Variants in ESRRB observed in about 807,000 individuals in gnomAD.
ESRRB encodes the protein steroid hormone receptor ERR2.
ESRRB carries 16 observed loss-of-function variants against 46.0 expected under a neutral mutation model. That is an observed-to-expected ratio of 0.35 (90% CI 0.24 to 0.53). The LOEUF is 0.53. Ranked by LOEUF, ESRRB falls within the 20% of genes least tolerant of loss-of-function variation. The pLI is 0.93. For missense variants in ESRRB, 488 were observed against 607.4 expected, an observed-to-expected ratio of 0.80 and a Z score of 2.07; for synonymous variants, 246 against 259.6, an observed-to-expected ratio of 0.95 and a Z score of 0.50.
intron 1 of ESRRB, among the ~76,000 whole-genome samples, chr14:76,438,854 G>A (rs1416191051): frequency 6.6e-6 from 1 of 152,186 alleles, no homozygotes; most frequent in South Asian, 2.1e-4. Flanking sequence ...ATGCTGGAAC[G>A]TAGGGGTGCG....
At chr14:76,480,699 G>A (rs1350564417) in intron 3 of ESRRB, among the ~76,000 whole-genome samples, 1 of 152,184 alleles carries the variant, frequency 6.6e-6, no homozygotes, top group Admixed American at 6.5e-5. Flanking sequence ...GATGGACAAG[G>A]CTGGGACAGG....
At chr14:76,339,151 T>C (rs2073475566) in intron 1 of ESRRB, among the ~76,000 whole-genome samples, 1 of 152,200 alleles carries the variant, frequency 6.6e-6, no homozygotes, top group South Asian at 2.1e-4. Context: ...AAATAATGTG[T>C]ATATCATATC....
At chr14:76,472,775 C>T (rs1387613209) in intron 3 of ESRRB, among the ~76,000 whole-genome samples, 1 of 152,240 alleles carries the variant, frequency 6.6e-6, no homozygotes, top group Non-Finnish European at 1.5e-5. Flanking sequence ...GTTTTCTCCT[C>T]CTCCTGGAGA....
chr14:76,359,659 C>T (rs1884440126), intron 1 of ESRRB, among the ~76,000 whole-genome samples: 1 of 152,144 alleles, frequency 6.6e-6, no homozygotes, highest in Non-Finnish European at 1.5e-5. Flanking sequence ...CTCTTGGAAC[C>T]ACCTGAGGAA....
At chr14:76,330,173 C>T (rs1883995845) in intron 1 of ESRRB, among the ~76,000 whole-genome samples, 1 of 152,072 alleles carries the variant, frequency 6.6e-6, no homozygotes, top group African/African-American at 2.4e-5. Context: ...CTGAGGGAGG[C>T]TCTGGGATCT....
chr14:76,390,154 C>G (rs1031078164), intron 1 of ESRRB, among the ~76,000 whole-genome samples: 9 of 152,220 alleles, frequency 5.9e-5, no homozygotes, highest in Non-Finnish European at 1.2e-4. Flanking sequence ...GATTCCTCTT[C>G]TGCTGTGATC....
At chr14:76,385,385 T>C (rs1885182768) in intron 1 of ESRRB, among the ~76,000 whole-genome samples, 1 of 152,208 alleles carries the variant, frequency 6.6e-6, no homozygotes, top group Non-Finnish European at 1.5e-5. Flanking sequence ...ATATCTTCAA[T>C]TCCCTTGTTG....
At chr14:76,440,094 G>C (rs528655320) in intron 2 of ESRRB, among the ~76,000 whole-genome samples, 1 of 152,104 alleles carries the variant, frequency 6.6e-6, no homozygotes, top group Admixed American at 6.6e-5. Context: ...TATTTTGTGC[G>C]GGGGAAAAAT....
chr14:76,377,711 C>G (rs570043397), intron 1 of ESRRB, among the ~76,000 whole-genome samples: 1 of 152,226 alleles, frequency 6.6e-6, no homozygotes, highest in Admixed American at 6.5e-5. Context: ...AATAAATACT[C>G]TGGATCATGT....
chr14:76,348,233 C>T (rs1884272364), intron 1 of ESRRB, among the ~76,000 whole-genome samples: 1 of 152,126 alleles, frequency 6.6e-6, no homozygotes, highest in African/African-American at 2.4e-5. Context: ...TGTCAGATGT[C>T]CACAAAGGAA....
At chr14:76,332,743 T>TAA (rs368211273) in intron 1 of ESRRB, among the ~76,000 whole-genome samples, 1 of 17,598 alleles carries the variant, frequency 5.7e-5, no homozygotes, top group African/African-American at 2.5e-4. Context: ...ATATTATATA[T>TAA]TTATATATTA....
intron 1 of ESRRB, among the ~76,000 whole-genome samples, chr14:76,315,731 G>A (rs1197530158): frequency 6.6e-6 from 1 of 152,148 alleles, no homozygotes; most frequent in African/African-American, 2.4e-5. Flanking sequence ...CTGAAAGTTG[G>A]CCATGCAGAG....
chr14:76,359,521 G>A (rs985301080), intron 1 of ESRRB, among the ~76,000 whole-genome samples: 4 of 152,138 alleles, frequency 2.6e-5, no homozygotes, highest in African/African-American at 9.7e-5. Context: ...TATCCCCATT[G>A]CCCAGAGAGT....
chr14:76,381,916 T>C (rs1885029974), intron 1 of ESRRB, among the ~76,000 whole-genome samples: 1 of 152,146 alleles, frequency 6.6e-6, no homozygotes. Flanking sequence ...CTGCACGGTC[T>C]TTTCCCTCCC....
At chr14:76,440,289 G>A (rs917964455) in intron 2 of ESRRB, among the ~76,000 whole-genome samples, 1 of 151,906 alleles carries the variant, frequency 6.6e-6, no homozygotes, top group Non-Finnish European at 1.5e-5. Flanking sequence ...AACACAGTAA[G>A]ACCCCATCAT....
intron 1 of ESRRB, among the ~76,000 whole-genome samples, chr14:76,421,582 G>A (rs903244569): frequency 6.6e-6 from 1 of 152,154 alleles, no homozygotes; most frequent in African/African-American, 2.4e-5. Context: ...AGTGGAGTAG[G>A]GCAGTTTTTC....
At chr14:76,368,307 A>T (rs565690054), upstream of ESRRB, among the ~76,000 whole-genome samples, 13 of 152,094 alleles carry the variant, frequency 8.5e-5, no homozygotes, top group African/African-American at 3.1e-4. Context: ...CTCAGAGGTG[A>T]GTGTAAAACG....
chr14:76,455,480 T>G (rs1888568411), intron 2 of ESRRB, among the ~76,000 whole-genome samples: 2 of 152,004 alleles, frequency 1.3e-5, no homozygotes, highest in South Asian at 4.2e-4. Flanking sequence ...TATGGTAATA[T>G]CACAAAATTT....
rs192966625 is a variant in ESRRB at position 76,471,145 on chromosome 14, A to G, written c.577+8484A>G. Among the ~76,000 whole-genome samples the G allele has an allele frequency of 7.2e-5, 11 of 152,312 alleles. No homozygotes were observed. The East Asian group carries it at 2.1e-3, about 29-fold the overall frequency. On this transcript the variant is annotated intron_variant, in intron 3 of 6. Transcript: ENST00000644823. ...TGCTAGTCACCTATTGCTCAAAAGA[A>G]ACCTGGAGGTCATCCTTGACTCCTC...
Sources: allele counts gnomAD v4.1 joint callset (sites outside exome capture counted in the v4.1 genomes callset), GRCh38; gene constraint gnomAD v4.1.1; transcripts MANE v1.5; gene names NCBI Gene and HGNC (gene_info 2026-07-23, HGNC 2026-07-21).